The following TENM1 variants were observed in gnomAD, a reference collection of about 807,000 sequenced individuals.
TENM1 encodes teneurin-1.
Under a neutral mutation model 174.8 loss-of-function variants are expected in TENM1, and 35 were observed. The observed-to-expected ratio is 0.20, with a 90% CI of 0.15 to 0.27. The LOEUF (loss-of-function observed/expected upper bound fraction) is 0.27, where lower values mean the gene tolerates loss of function less well. Among genes scored for constraint, TENM1 ranks in the 10% least tolerant of loss-of-function variants. TENM1 has a pLI of 1.00. For missense variants in TENM1, 1,633 were observed against 2,130.1 expected (o/e 0.77, Z 4.59); for synonymous variants, 781 against 798.7 (o/e 0.98, Z 0.37).
chrX:124,471,326 TATATAGTACTATATATA>T (rs2061314892), intron 22 of TENM1, among the ~76,000 whole-genome samples: 1 of 22,129 alleles, frequency 4.5e-5, no homozygotes, highest in Non-Finnish European at 7.5e-5. Context: ...TATATTATAA[TATATAGTACTATATATA>T]ATATATATTA....
chrX:124,973,054 G>A, the TENM1 span, among the ~76,000 whole-genome samples: 2 of 112,128 alleles, frequency 1.8e-5, no homozygotes, highest in Non-Finnish European at 3.8e-5. Flanking sequence ...AGGAAAGCAA[G>A]AAAGCCATCT....
chrX:124,793,782 A>T (rs2055238427), intron 3 of TENM1, among the ~76,000 whole-genome samples: 1 of 111,366 alleles, frequency 9.0e-6, no homozygotes, highest in African/African-American at 3.3e-5. Flanking sequence ...TAAATTTTTC[A>T]TTTTTATTAA....
chrX:124,651,622 T>C (rs1210620284), intron 8 of TENM1, among the ~76,000 whole-genome samples: 1 of 111,663 alleles, frequency 9.0e-6, no homozygotes, highest in Non-Finnish European at 1.9e-5. Flanking sequence ...CTATGTAGCC[T>C]TGGTAATAAT....
chrX:124,418,958 A>C (rs973315710), intron 25 of TENM1, among the ~76,000 whole-genome samples: 3 of 111,788 alleles, frequency 2.7e-5, no homozygotes, highest in Admixed American at 9.5e-5. Context: ...TTTGTCCTTC[A>C]GTTTTCTCAT....
intron 7 of TENM1, 49 bp from the exon 11 acceptor site, chrX:124,652,173 C>T: frequency 8.5e-7 from 1 of 1,173,003 alleles, no homozygotes; most frequent in South Asian, 1.9e-5. Flanking sequence ...TTCTTCTAGA[C>T]TGATAAACAT....
At chrX:124,505,887 T>C (rs775947859) in intron 18 of TENM1, among the ~76,000 whole-genome samples, 1 of 111,393 alleles carries the variant, frequency 9.0e-6, no homozygotes, top group South Asian at 3.8e-4. Context: ...TAAATTGCAT[T>C]CTTTCTAGAT....
At chrX:124,936,675 G>A (rs1818546006) in intron 1 of TENM1, among the ~76,000 whole-genome samples, 1 of 112,132 alleles carries the variant, frequency 8.9e-6, no homozygotes, top group African/African-American at 3.2e-5. Context: ...CTGTTTTGGT[G>A]CAAAATCAAG....
In TENM1 at chrX:124,927,897, T is replaced by A. The variant is rs180885956; in HGVS notation, c.218-31656A>T. ...TTAATTAAACAGATCTTAATACCAA[T>A]TATATTTACAAGATTTTCATTGAGG... is the stretch of plus-strand genomic sequence containing the variant. On this transcript the variant is annotated intron_variant, in intron 1 of 31. Transcript: ENST00000422452. Among the ~76,000 whole-genome samples the A allele has an allele frequency of 1.7e-3, 189 of 112,174 alleles. 1 individual carries two copies. The highest frequency in any genetic ancestry group is 4.6e-3 in the Middle Eastern group (1 of 219).
intron 3 of TENM1, among the ~76,000 whole-genome samples, chrX:124,840,160 A>C (rs2056469410): frequency 9.0e-6 from 1 of 111,699 alleles, no homozygotes; most frequent in Non-Finnish European, 1.9e-5. Flanking sequence ...ACCATTAGAT[A>C]AATTCAAGGT....
chrX:125,171,073 G>A, the TENM1 span, among the ~76,000 whole-genome samples: 101 of 110,605 alleles, frequency 9.1e-4, 1 homozygote, highest in African/African-American at 3.1e-3. Context: ...GAGTTATTTT[G>A]TTTGTTGGTT....
intron 1 of TENM1, 142 bp from the exon 5 acceptor site, chrX:124,896,383 A>G (rs1457917866): frequency 3.3e-6 from 2 of 607,479 alleles, no homozygotes; most frequent in Non-Finnish European, 5.0e-6. Flanking sequence ...CCTTTTATTC[A>G]TGGTAGCTAG....
At chrX:124,983,920 G>A in the TENM1 span, among the ~76,000 whole-genome samples, 1 of 111,544 alleles carries the variant, frequency 9.0e-6, no homozygotes, top group African/African-American at 3.3e-5. Context: ...CGGGCAATAA[G>A]TGATATGAAG....
At position 124,583,667 on chromosome X, in the gene TENM1, C is replaced by T. The variant is rs1406370397; in HGVS notation, c.2078-18107G>A. 4.7e-3 allele frequency among the ~76,000 whole-genome samples: 520 copies of T among 110,991 alleles called. 3 individuals are homozygous for T. Among genetic ancestry groups the T allele is most frequent in the Admixed American group, 7.3e-3 (76 of 10,432 alleles). On this transcript the variant is annotated intron_variant, in intron 11 of 31. Coordinates refer to ENST00000422452, the Ensembl canonical transcript of TENM1. ...AAGGAATGCAGCTCCTCACCAGCAA[C>T]GGAACAAAGCTGGATGGAGAATGAC...
the TENM1 span, among the ~76,000 whole-genome samples, chrX:125,072,208 T>A: frequency 1.8e-5 from 2 of 111,750 alleles, no homozygotes; most frequent in East Asian, 5.6e-4. Context: ...TCAGAAATGT[T>A]CTTCCATTTC....
rs1256413992 is a variant in TENM1 at position 124,878,989 on chromosome X, G to A, written c.535+15307C>T. Reference sequence around the variant, plus strand: ...CTGGATGACATTTATTTTTTTAAATGTTTTTATTGAGAAATAAAATTTTCA... The same window carrying A: ...CTGGATGACATTTATTTTTTTAAATATTTTTATTGAGAAATAAAATTTTCA... On this transcript the variant is annotated intron_variant, in intron 3 of 31. Coordinates refer to ENST00000422452, the Ensembl canonical transcript of TENM1. 2.7e-5 allele frequency among the ~76,000 whole-genome samples: 3 copies of A among 111,900 alleles called. No individual in the cohort carries two copies. The East Asian group carries it at 8.4e-4, about 31-fold the overall frequency.
the TENM1 span, among the ~76,000 whole-genome samples, chrX:125,191,495 A>T: frequency 8.9e-6 from 1 of 112,097 alleles, no homozygotes; most frequent in Non-Finnish European, 1.9e-5. Flanking sequence ...GAAAGACAAT[A>T]AAGTTCATTA....
At chrX:124,892,033 A>G (rs2057484832) in intron 3 of TENM1, among the ~76,000 whole-genome samples, 2 of 111,691 alleles carry the variant, frequency 1.8e-5, no homozygotes, top group Non-Finnish European at 1.9e-5. Context: ...GTATTAGTCT[A>G]TGAAGAGTAG....
chrX:124,580,222 C>A (rs1160819431), intron 11 of TENM1, among the ~76,000 whole-genome samples: 1 of 110,592 alleles, frequency 9.0e-6, no homozygotes, highest in South Asian at 3.8e-4. Context: ...CATTGACAGA[C>A]AAATGGATAA....
At chrX:124,469,155 GTCTGTACAA>G (rs1372796991) in intron 22 of TENM1, among the ~76,000 whole-genome samples, 1 of 112,127 alleles carries the variant, frequency 8.9e-6, no homozygotes, top group Non-Finnish European at 1.9e-5. Context: ...TTAGGGCTGT[GTCTGTACAA>G]TCAATGAAGT....
Sources: allele counts gnomAD v4.1 joint callset (sites outside exome capture counted in the v4.1 genomes callset), GRCh38; gene constraint gnomAD v4.1.1; transcripts MANE v1.5; gene names NCBI Gene and HGNC (gene_info 2026-07-23, HGNC 2026-07-21).